GRM5: variants seen among roughly 807,000 people sequenced by gnomAD.
GRM5 encodes the protein glutamate metabotropic receptor 5.
GRM5 carries 19 observed loss-of-function variants against 83.1 expected under a neutral mutation model. That is an observed-to-expected ratio of 0.23 (90% CI 0.16 to 0.34). The LOEUF is 0.34. Among genes scored for constraint, GRM5 ranks in the 10% least tolerant of loss-of-function variants. GRM5 has a pLI of 1.00. For missense variants in GRM5, 1,160 were observed against 1,588.3 expected, an observed-to-expected ratio of 0.73 and a Z score of 4.58; for synonymous variants, 675 against 633.6, an observed-to-expected ratio of 1.07 and a Z score of -0.98.
At chr11:88,640,034 C>T (rs1321311326) in intron 4 of GRM5, among the ~76,000 whole-genome samples, 1 of 152,130 alleles carries the variant, frequency 6.6e-6, no homozygotes, top group African/African-American at 2.4e-5. Context: ...TCTCTCAAAA[C>T]TTCCATAGCT....
intron 3 of GRM5, among the ~76,000 whole-genome samples, chr11:88,778,131 A>T (rs1033151967): frequency 6.0e-5 from 9 of 151,130 alleles, no homozygotes; most frequent in African/African-American, 2.2e-4. Context: ...TTCCTTGGCC[A>T]CTCTGTTTAC....
intron 3 of GRM5, among the ~76,000 whole-genome samples, chr11:88,721,204 G>A (rs1009739882): frequency 7.9e-5 from 12 of 152,118 alleles, no homozygotes; most frequent in East Asian, 3.9e-4. Flanking sequence ...CTCAACAATC[G>A]TTGGCTATAA....
Position 88,508,736 on chromosome 11 carries a change from CG to C in GRM5, c.3494del (p.Pro1165ArgfsTer38). ...CCACCGAGTCTCTGAAGGGGGACGG[CG>C]GGGTGAGAGCCACCAGCTCCTCCAG... ...PDLEELVALT[P>X]PSPFRDSVDS... On this transcript the variant is annotated frameshift_variant, in exon 10 of 10. Coordinates refer to ENST00000305447, the MANE Select transcript of GRM5 (RefSeq NM_001143831.3). LOFTEE classifies it high-confidence loss of function. The surrounding 1 kb of genome is among the most constrained non-coding windows in gnomAD (Gnocchi z 4.2). The C allele has an allele frequency of 1.3e-6, 2 of 1,577,502 alleles. No homozygotes were observed. The highest frequency in any genetic ancestry group is 2.5e-5 in the East Asian group (1 of 40,478).
Position 88,508,655 on chromosome 11 carries a change from C to T in GRM5, c.3576G>A (p.Pro1192=), listed in dbSNP as rs1364461919. The part of the protein sequence containing the change: ...SPVSESALCI[P]SSPKYDTLII... Reference sequence around the variant, plus strand: ...TAAGAGTGTCATATTTGGGAGACGACGGGATACAGAGGGCCGACTCGGACA... The same window carrying T: ...TAAGAGTGTCATATTTGGGAGACGATGGGATACAGAGGGCCGACTCGGACA... The change falls in exon 10 of 10, where the codon CCG becomes CCA. Residue 1192 remains proline, a synonymous_variant. Coordinates refer to ENST00000305447, the MANE Select transcript of GRM5 (RefSeq NM_001143831.3). This position sits in a 1 kb window ranked among gnomAD's most constrained non-coding sequence, Gnocchi z 4.2. 2.5e-6 allele frequency: 4 copies of T among 1,609,542 alleles called. No homozygotes were observed. The highest frequency in any genetic ancestry group is 1.7e-5 in the Admixed American group (1 of 59,812).
At chr11:88,950,676 G>A (rs1938430484) in intron 2 of GRM5, among the ~76,000 whole-genome samples, 1 of 152,182 alleles carries the variant, frequency 6.6e-6, no homozygotes, top group African/African-American at 2.4e-5. Context: ...CTGTCAGGGA[G>A]TCCTCCCAGA....
intron 8 of GRM5, among the ~76,000 whole-genome samples, chr11:88,525,798 A>G (rs182781844): frequency 2.0e-4 from 31 of 152,350 alleles, no homozygotes; most frequent in African/African-American, 7.2e-4. Flanking sequence ...CCTAAATTGT[A>G]TCCAGGCAAC....
At chr11:88,534,917 A>C (rs745803985) in intron 8 of GRM5, among the ~76,000 whole-genome samples, 94 of 152,140 alleles carry the variant, frequency 6.2e-4, no homozygotes, top group Non-Finnish European at 1.1e-3. Context: ...TGGTTTGATA[A>C]GGGGAAACTT....
intron 2 of GRM5, among the ~76,000 whole-genome samples, chr11:89,008,261 T>C (rs1278554924): frequency 6.6e-6 from 1 of 152,144 alleles, no homozygotes; most frequent in East Asian, 1.9e-4. Flanking sequence ...ACTTAAACCA[T>C]TTACTTTACT....
intron 4 of GRM5, among the ~76,000 whole-genome samples, chr11:88,613,899 C>G (rs1048268239): frequency 6.6e-6 from 1 of 152,122 alleles, no homozygotes; most frequent in Non-Finnish European, 1.5e-5. Flanking sequence ...TTCAGGGGAG[C>G]AGAGTTTGAA....
At chr11:88,848,301 C>A (rs543620794) in intron 3 of GRM5, among the ~76,000 whole-genome samples, 3 of 152,106 alleles carry the variant, frequency 2.0e-5, no homozygotes, top group Admixed American at 6.5e-5. Context: ...GGCCTCATAC[C>A]AAAATAGCCC....
intron 2 of GRM5, among the ~76,000 whole-genome samples, chr11:88,875,941 T>G (rs12274243): frequency 0.025 from 3,851 of 152,132 alleles, 174 homozygotes; most frequent in African/African-American, 0.089. Context: ...AGCATAGCTC[T>G]TAAGGGCCTT....
intron 1 of GRM5, among the ~76,000 whole-genome samples, chr11:89,062,145 T>G (rs2135174467): frequency 6.6e-6 from 1 of 152,178 alleles, no homozygotes; most frequent in Middle Eastern, 3.4e-3. Flanking sequence ...TAAATGGAAA[T>G]AAACATGCAT....
chr11:88,983,972 A>C (rs1939608170), intron 2 of GRM5, among the ~76,000 whole-genome samples: 1 of 152,192 alleles, frequency 6.6e-6, no homozygotes, highest in African/African-American at 2.4e-5. Context: ...AAAAGCATAT[A>C]GAAAAGGAAT....
chr11:88,777,168 C>T (rs1377365804), intron 3 of GRM5, among the ~76,000 whole-genome samples: 9 of 152,110 alleles, frequency 5.9e-5, no homozygotes, highest in South Asian at 2.1e-4. Context: ...CTTGTCTTCT[C>T]GCTTTATTTC....
At chr11:88,922,988 T>C (rs756006734) in intron 2 of GRM5, among the ~76,000 whole-genome samples, 18 of 152,286 alleles carry the variant, frequency 1.2e-4, no homozygotes, top group South Asian at 8.3e-4. Flanking sequence ...CTCAATATCA[T>C]TGATCATCAG....
At chr11:89,061,020 T>C (rs1403479929) in intron 1 of GRM5, among the ~76,000 whole-genome samples, 1 of 152,160 alleles carries the variant, frequency 6.6e-6, no homozygotes, top group South Asian at 2.1e-4. Context: ...TCCTGCTTTG[T>C]AATAATACAT....
chr11:88,637,968 C>T lies in GRM5; in HGVS notation c.1147+15200G>A, dbSNP rs868783955. Among the ~76,000 whole-genome samples, 883 of 151,542 alleles carry T rather than the reference C, an allele frequency of 5.8e-3. 15 individuals are homozygous for T. Among genetic ancestry groups the T allele is most frequent in the African/African-American group, 0.02 (822 of 41,172 alleles). On this transcript the variant is annotated intron_variant, in intron 4 of 9. Coordinates refer to ENST00000305447, the MANE Select transcript of GRM5 (RefSeq NM_001143831.3). The stretch of plus-strand genomic sequence containing the variant: ...GGCACATATACACCATGGAATCCTA[C>T]GCAGCCATAAAAAATGATTAGTTCA...
At chr11:88,570,774 G>A (rs1339434001) in intron 7 of GRM5, among the ~76,000 whole-genome samples, 1 of 150,600 alleles carries the variant, frequency 6.6e-6, no homozygotes, top group Non-Finnish European at 1.5e-5. Flanking sequence ...TCACCATGTT[G>A]GCCAGGCTGG....
At chr11:88,815,083 C>T (rs1445954930) in intron 3 of GRM5, among the ~76,000 whole-genome samples, 1 of 152,142 alleles carries the variant, frequency 6.6e-6, no homozygotes, top group Non-Finnish European at 1.5e-5. Flanking sequence ...CAAGGGCTAA[C>T]TGAAATTTAT....
Sources: allele counts gnomAD v4.1 joint callset (sites outside exome capture counted in the v4.1 genomes callset), GRCh38; gene constraint gnomAD v4.1.1; non-coding constraint Gnocchi (gnomAD v3.1); transcripts MANE v1.5; gene names NCBI Gene and HGNC (gene_info 2026-07-23, HGNC 2026-07-21).